SNAP47: variants seen among roughly 807,000 people sequenced by gnomAD.
SNAP47 encodes synaptosome associated protein 47, also known as synaptosomal-associated protein 47.
A neutral mutation model predicts 31.4 loss-of-function variants in SNAP47; 20 were observed. The observed-to-expected ratio is 0.64, with a 90% CI of 0.45 to 0.93. The LOEUF is 0.93. Ranked by LOEUF, SNAP47 falls within the 40% of genes least tolerant of loss-of-function variation. The pLI, the probability that SNAP47 is intolerant of heterozygous loss-of-function variation, is 0.00. For missense variants in SNAP47, 492 were observed against 528.5 expected, an observed-to-expected ratio of 0.93 and a Z score of 0.68; for synonymous variants, 194 against 213.4, an observed-to-expected ratio of 0.91 and a Z score of 0.79.
chr1:227,735,431 C>A, upstream of SNAP47: 1 of 1,509,414 alleles, frequency 6.6e-7, no homozygotes, highest in Non-Finnish European at 8.8e-7. Context: ...TCGCCGCGGT[C>A]TTCACTGCGC....
Position 227,735,489 on chromosome 1 carries a change from GC to G in SNAP47, c.-55del. The G allele has an allele frequency of 7.1e-7, 1 of 1,417,234 alleles. No homozygotes were observed. The allele number at this position is 1,417,234 out of a possible 1,614,324, so 87.8% of individuals were successfully genotyped here. A position where few individuals can be genotyped will look rare whatever the true frequency, so the allele number is the denominator to read the frequency against. ...CGCGGTCGGCTCTGGGACTCGTCTG[GC>G]GTCCCTCAGGTGAGCGACGGTGTTG... On this transcript the variant is annotated 5_prime_UTR_variant, in exon 1 of 5. Transcript: ENST00000617596.
Position 227,735,518 on chromosome 1 carries a change from C to A in SNAP47, c.-46+19C>A. On this transcript the variant is annotated intron_variant, in intron 1 of 4. Coordinates refer to ENST00000617596, the MANE Select transcript of SNAP47 (RefSeq NM_053052.4). ...CCCTCAGGTGAGCGACGGTGTTGGT[C>A]TGTTGGGCGCCCGGCCCAAGCCAAG... 1 of 1,381,956 alleles carries A rather than the reference C, an allele frequency of 7.2e-7. No individual in the cohort carries two copies. Among genetic ancestry groups the A allele is most frequent in the South Asian group, 1.7e-5 (1 of 58,438 alleles). The allele number at this position is 1,381,956 out of a possible 1,614,324, so 85.6% of individuals were successfully genotyped here. A position where few individuals can be genotyped will look rare whatever the true frequency, so the allele number is the denominator to read the frequency against.
intron 1 of SNAP47, chr1:227,746,078 A>G (rs1661945751): frequency 6.6e-6 from 1 of 152,260 alleles, no homozygotes; most frequent in Non-Finnish European, 1.5e-5. Flanking sequence ...CCAGGGGCCC[A>G]GCTGCACAGA....
chr1:227,759,270 T>A lies in SNAP47; in HGVS notation c.773T>A (p.Ile258Asn). The A allele has an allele frequency of 1.9e-6, 3 of 1,614,196 alleles. No individual in the cohort carries two copies. The highest frequency in any genetic ancestry group is 2.5e-6 in the Non-Finnish European group (3 of 1,180,042). Residue 258 changes from isoleucine (I) to asparagine (N), a missense_variant, in exon 3 of 5, where the codon ATC (isoleucine) becomes AAC (asparagine). Ile to Asn is a moderately radical substitution (Grantham distance 149, BLOSUM62 -3). Transcript: ENST00000617596. ...HRFEREDVDD[I>N]KVHSPYEISI... ...TTTGAAAGAGAAGACGTGGACGACA[T>A]CAAGGTCCACTCACCTTACGAAATT... is the stretch of plus-strand genomic sequence containing the variant.
intron 4 of SNAP47, among the ~76,000 whole-genome samples, chr1:227,768,611 C>T (rs986904256): frequency 6.6e-6 from 1 of 152,174 alleles, no homozygotes; most frequent in African/African-American, 2.4e-5. Flanking sequence ...TTTTTCCTCC[C>T]GGCCTCACTT....
At chr1:227,774,780 G>A (rs570561843) in intron 4 of SNAP47, among the ~76,000 whole-genome samples, 14 of 152,344 alleles carry the variant, frequency 9.2e-5, no homozygotes, top group Admixed American at 7.8e-4. Context: ...TTCCACGTGT[G>A]CGATGCACCT....
At chr1:227,731,033 AC>A (rs1265978569), upstream of SNAP47, 2 of 151,900 alleles carry the variant, frequency 1.3e-5, no homozygotes, top group Non-Finnish European at 2.9e-5. Context: ...CATGTTTGCT[AC>A]CTCCCCCTCC....
chr1:227,766,883 G>T, intron 3 of SNAP47, 76 bp from the exon 4 acceptor site: 1 of 1,581,230 alleles, frequency 6.3e-7, no homozygotes. Flanking sequence ...CAAAGACCAC[G>T]CTCTGCCATC....
Position 227,736,685 on chromosome 1 carries a change from TG to T in SNAP47, c.-46+1187del, listed in dbSNP as rs375957748. On this transcript the variant is annotated intron_variant, in intron 1 of 4. Coordinates refer to ENST00000617596, the MANE Select transcript of SNAP47 (RefSeq NM_053052.4). ...CAGCTTAGTTTTGTTTTTTTGTTTTTGTTTTTTTTTTTTTTTTTTGTAGAGA... is the reference window on the plus strand; with the variant it reads ...CAGCTTAGTTTTGTTTTTTTGTTTTTTTTTTTTTTTTTTTTTTTGTAGAGA... 2.2e-3 allele frequency among the ~76,000 whole-genome samples: 305 copies of T among 138,678 alleles called. 3 individuals are homozygous for T. Among genetic ancestry groups the T allele is most frequent in the African/African-American group, 8.3e-3 (286 of 34,264 alleles). The allele number at this position is 138,678 out of a possible 152,430, so 91.0% of individuals were successfully genotyped here.
chr1:227,740,902 A>G (rs1198464867), intron 1 of SNAP47, among the ~76,000 whole-genome samples: 7 of 130,882 alleles, frequency 5.3e-5, no homozygotes, highest in South Asian at 2.5e-4. Flanking sequence ...AAGCTGAAGG[A>G]GGGGCTGTGA....
intron 1 of SNAP47, 92 bp downstream of exon 1, chr1:227,735,591 C>T (rs1330326313): frequency 7.5e-7 from 1 of 1,330,870 alleles, no homozygotes; most frequent in South Asian, 2.1e-5. Context: ...GCTGACACAG[C>T]CCGAGCCCTC....
rs748293618 is a variant in SNAP47 at position 227,780,631 on chromosome 1, G to T, written c.1218G>T (p.Leu406Phe). 4 of 1,614,068 alleles carry T rather than the reference G, an allele frequency of 2.5e-6. No homozygotes were observed. Among genetic ancestry groups the T allele is most frequent in the African/African-American group, 1.3e-5 (1 of 74,936 alleles). ...CAGCAGCTGTGGACAGGGCAACCTT[G>T]ACCATCGACAAGCACAACAGGCGGA... Reference protein sequence around the residue: ...GVAAAVDRATLTIDKHNRRMK... With the variant: ...GVAAAVDRATFTIDKHNRRMK... Residue 406 changes from leucine to phenylalanine, a missense_variant, in exon 5 of 5, where the codon TTG becomes TTT. Leu to Phe is a conservative substitution (Grantham distance 22). Transcript: ENST00000617596.
At chr1:227,736,501 AG>A (rs1661176233) in intron 1 of SNAP47, 2 of 105,746 alleles carry the variant, frequency 1.9e-5, no homozygotes, top group East Asian at 3.1e-4. Flanking sequence ...AGCCCAGAGC[AG>A]TTTTTTTTTT....
intron 4 of SNAP47, among the ~76,000 whole-genome samples, chr1:227,771,938 C>T (rs1039212543): frequency 5.9e-5 from 9 of 152,158 alleles, no homozygotes. Flanking sequence ...GGCCGGAGGC[C>T]AGCACCTGAC....
intron 2 of SNAP47, among the ~76,000 whole-genome samples, chr1:227,749,074 T>C (rs1229857657): frequency 2.6e-5 from 4 of 152,234 alleles, no homozygotes; most frequent in Admixed American, 2.0e-4. Flanking sequence ...TTTGTGTTCC[T>C]CCAGTTTCCT....
chr1:227,777,919 C>T (rs774771171), intron 4 of SNAP47, among the ~76,000 whole-genome samples: 1 of 152,176 alleles, frequency 6.6e-6, no homozygotes, highest in Non-Finnish European at 1.5e-5. Context: ...TCCTCAGGAC[C>T]GGGGGCAGGT....
chr1:227,780,814 T>C lies in SNAP47; in HGVS notation c.*141T>C, dbSNP rs542096106. The C allele has an allele frequency of 7.4e-6, 9 of 1,224,284 alleles. No individual in the cohort carries two copies. The highest frequency in any genetic ancestry group is 2.7e-4 in the Middle Eastern group (1 of 3,742). 75.8% of individuals were successfully genotyped at this position (1,224,284 alleles called of 1,614,324 possible). A position where few individuals can be genotyped will look rare whatever the true frequency, so the allele number is the denominator to read the frequency against. On this transcript the variant is annotated 3_prime_UTR_variant, in exon 5 of 5. Coordinates refer to ENST00000617596, the MANE Select transcript of SNAP47 (RefSeq NM_053052.4). The stretch of plus-strand genomic sequence containing the variant: ...ATGGGGCTGCTACTGTGGGGCTGCT[T>C]CTGCACCAGGGGCCTCCCCAGGTGT...
At chr1:227,758,739 A>G (rs1233196577) in intron 2 of SNAP47, among the ~76,000 whole-genome samples, 1 of 152,154 alleles carries the variant, frequency 6.6e-6, no homozygotes, top group Non-Finnish European at 1.5e-5. Context: ...TCTAGGCAGA[A>G]GGTGTGCATT....
chr1:227,778,052 G>T (rs1664261609), intron 4 of SNAP47, among the ~76,000 whole-genome samples: 1 of 152,266 alleles, frequency 6.6e-6, no homozygotes, highest in African/African-American at 2.4e-5. Context: ...AGAAGACAAA[G>T]TTGTGTATGT....
Sources: allele counts gnomAD v4.1 joint callset (sites outside exome capture counted in the v4.1 genomes callset), GRCh38; gene constraint gnomAD v4.1.1; transcripts MANE v1.5; gene names NCBI Gene and HGNC (gene_info 2026-07-23, HGNC 2026-07-21).